Variants in CFAP299 observed in about 807,000 individuals in gnomAD.
CFAP299 encodes cilia and flagella associated protein 299.
In CFAP299, 21 loss-of-function variants were observed where a neutral mutation model predicts 27.0. The ratio of observed to expected loss-of-function variants is 0.78; its 90% CI spans 0.55 to 1.12. CFAP299 has a LOEUF of 1.12. CFAP299 is among the 50% of genes most tolerant of loss of function. The probability of loss-of-function intolerance (pLI) is 0.00; values close to 1 mark genes in which losing one functional copy is unlikely to be tolerated. For missense variants in CFAP299, 310 were observed against 276.6 expected, an observed-to-expected ratio of 1.12 and a Z score of -0.86; for synonymous variants, 104 against 98.1, an observed-to-expected ratio of 1.06 and a Z score of -0.36.
At chr4:80,366,329 G>A (rs1723831732) in intron 2 of CFAP299, among the ~76,000 whole-genome samples, 1 of 152,176 alleles carries the variant, frequency 6.6e-6, no homozygotes, top group South Asian at 2.1e-4. Flanking sequence ...CCTATTTCGA[G>A]AAGTGCTGGT....
chr4:80,947,645 G>A (rs932869808), intron 5 of CFAP299, among the ~76,000 whole-genome samples: 2 of 152,080 alleles, frequency 1.3e-5, no homozygotes, highest in African/African-American at 4.8e-5. Context: ...TTCTGCTACA[G>A]GTTGTTCATG....
intron 3 of CFAP299, among the ~76,000 whole-genome samples, chr4:80,776,306 T>A (rs1379985422): frequency 6.6e-6 from 1 of 152,150 alleles, no homozygotes; most frequent in Non-Finnish European, 1.5e-5. Context: ...TTGCTCCACT[T>A]CTTCTTGGGT....
chr4:80,571,423 G>A (rs2110234734), intron 2 of CFAP299, among the ~76,000 whole-genome samples: 1 of 152,156 alleles, frequency 6.6e-6, no homozygotes, highest in Non-Finnish European at 1.5e-5. Context: ...GCATATTTCA[G>A]GAGGTGAAAA....
At position 80,621,775 on chromosome 4, in the gene CFAP299, T is replaced by C. The variant is rs1280143048; in HGVS notation, c.333+38592T>C. 2.0e-5 allele frequency among the ~76,000 whole-genome samples: 3 copies of C among 152,152 alleles called. No individual in the cohort carries two copies. The East Asian group carries it at 5.8e-4, about 29-fold the overall frequency. On this transcript the variant is annotated intron_variant, in intron 3 of 5. Transcript: ENST00000358105. ...GCATGATTAAATGCTTCAAATGAGC[T>C]GTGAGTCAAATGCTGTGGCATTCAG...
At chr4:80,815,000 T>C (rs1420286202) in intron 3 of CFAP299, among the ~76,000 whole-genome samples, 2 of 152,022 alleles carry the variant, frequency 1.3e-5, no homozygotes, top group African/African-American at 4.8e-5. Context: ...ACCAAAGGCA[T>C]TTATCAAGTA....
intron 3 of CFAP299, among the ~76,000 whole-genome samples, chr4:80,693,031 A>G (rs1315229809): frequency 6.6e-6 from 1 of 152,268 alleles, no homozygotes; most frequent in Non-Finnish European, 1.5e-5. Context: ...GGCAATCATT[A>G]AAAAGTCAGG....
intron 3 of CFAP299, among the ~76,000 whole-genome samples, chr4:80,728,894 C>A (rs938781323): frequency 2.0e-5 from 3 of 152,174 alleles, no homozygotes; most frequent in African/African-American, 4.8e-5. Flanking sequence ...TTTCTAATAT[C>A]TTGCTTTGCC....
chr4:80,672,009 T>C (rs1395793736), intron 3 of CFAP299, among the ~76,000 whole-genome samples: 2 of 152,214 alleles, frequency 1.3e-5, no homozygotes, highest in Non-Finnish European at 2.9e-5. Context: ...TTCTCTTGCC[T>C]GATTGCCCTG....
At chr4:80,618,909 CTTTG>C (rs760621372) in intron 3 of CFAP299, among the ~76,000 whole-genome samples, 1 of 151,854 alleles carries the variant, frequency 6.6e-6, no homozygotes, top group Non-Finnish European at 1.5e-5. Flanking sequence ...AAAATAAAAA[CTTTG>C]TTTAAAGTAC....
intron 3 of CFAP299, among the ~76,000 whole-genome samples, chr4:80,689,708 T>G (rs1408649579): frequency 6.6e-6 from 1 of 152,184 alleles, no homozygotes. Context: ...ACTTTAAATG[T>G]AAATGGACTA....
At chr4:80,787,633 A>C (rs1316732532) in intron 3 of CFAP299, among the ~76,000 whole-genome samples, 1 of 152,002 alleles carries the variant, frequency 6.6e-6, no homozygotes, top group African/African-American at 2.4e-5. Context: ...CAGAAACATC[A>C]ATTCCAAGCC....
chr4:80,879,718 A>G (rs1733595625), intron 4 of CFAP299, among the ~76,000 whole-genome samples: 1 of 152,226 alleles, frequency 6.6e-6, no homozygotes, highest in South Asian at 2.1e-4. Flanking sequence ...TAATGAACAT[A>G]CTTTACAATC....
At chr4:80,505,741 T>C (rs1037802644) in intron 2 of CFAP299, among the ~76,000 whole-genome samples, 4 of 152,082 alleles carry the variant, frequency 2.6e-5, no homozygotes, top group African/African-American at 4.8e-5. Flanking sequence ...TAATGAAGAA[T>C]TTTTTTAATT....
intron 3 of CFAP299, among the ~76,000 whole-genome samples, chr4:80,693,708 A>G (rs1720903925): frequency 6.6e-6 from 1 of 152,070 alleles, no homozygotes; most frequent in East Asian, 1.9e-4. Context: ...TTAAAAAAAA[A>G]AAAGAAAGAA....
At chr4:80,887,728 A>T (rs917912561) in intron 4 of CFAP299, among the ~76,000 whole-genome samples, 3 of 152,144 alleles carry the variant, frequency 2.0e-5, no homozygotes, top group African/African-American at 7.2e-5. Context: ...TTAAGTAGAA[A>T]GACTAAATTA....
intron 2 of CFAP299, among the ~76,000 whole-genome samples, chr4:80,494,311 A>G (rs1245510696): frequency 1.3e-5 from 2 of 152,222 alleles, no homozygotes; most frequent in Non-Finnish European, 2.9e-5. Flanking sequence ...TCTTCGCACT[A>G]TCCTAGACCA....
chr4:80,434,037 TTATGTATCAGGCATTA>T (rs1727948486), intron 2 of CFAP299, among the ~76,000 whole-genome samples: 2 of 152,198 alleles, frequency 1.3e-5, no homozygotes, highest in African/African-American at 4.8e-5. Flanking sequence ...CAAATGCCTG[TTATGTATCAGGCATTA>T]ATACAAAAGA....
intron 4 of CFAP299, among the ~76,000 whole-genome samples, chr4:80,899,324 A>C (rs990086478): frequency 6.6e-6 from 1 of 152,238 alleles, no homozygotes; most frequent in Non-Finnish European, 1.5e-5. Flanking sequence ...GAAAGTATTC[A>C]ACATAAAGTT....
chr4:80,677,219 G>A (rs989830054), intron 3 of CFAP299, among the ~76,000 whole-genome samples: 3 of 151,950 alleles, frequency 2.0e-5, no homozygotes, highest in Non-Finnish European at 4.4e-5. Flanking sequence ...GGTCATTGAA[G>A]AGCATGTTGT....
Sources: gnomAD v4.1 joint callset for allele counts (sites outside exome capture counted in the v4.1 genomes callset) on GRCh38, gnomAD v4.1.1 for gene constraint, MANE v1.5 for transcripts, NCBI Gene and HGNC (gene_info 2026-07-23, HGNC 2026-07-21) for gene names.